CEP192: variants seen among roughly 807,000 people sequenced by gnomAD.
The protein encoded by CEP192 is centrosomal protein of 192 kDa.
Under a neutral mutation model 271.8 loss-of-function variants are expected in CEP192, and 151 were observed. That is an observed-to-expected ratio of 0.56 (90% CI 0.49 to 0.64). The LOEUF is 0.64. Among genes scored for constraint, CEP192 ranks in the 30% least tolerant of loss-of-function variants. CEP192 has a pLI of 0.00. For missense variants in CEP192, 2,910 were observed against 3,020.5 expected (o/e 0.96, Z 0.86); for synonymous variants, 995 against 1,076.5 (o/e 0.92, Z 1.48).
intron 44 of CEP192, among the ~76,000 whole-genome samples, chr18:13,120,351 T>C (rs2040606305): frequency 6.6e-6 from 1 of 152,218 alleles, no homozygotes; most frequent in South Asian, 2.1e-4. Flanking sequence ...TTTTGAGATA[T>C]GAAATGTGTT....
intron 11 of CEP192, among the ~76,000 whole-genome samples, 156 bp downstream of exon 11, chr18:13,030,764 G>C (rs1158980436): frequency 1.3e-5 from 2 of 152,162 alleles, no homozygotes; most frequent in Non-Finnish European, 2.9e-5. Flanking sequence ...CAAGGTTTTA[G>C]TTAGCCAGTC....
Position 13,019,180 on chromosome 18 carries a change from A to G in CEP192, c.1024A>G (p.Lys342Glu), listed in dbSNP as rs1228762711. 2 of 1,544,344 alleles carry G rather than the reference A, an allele frequency of 1.3e-6. No individual in the cohort carries two copies. The highest frequency in any genetic ancestry group is 1.7e-6 in the Non-Finnish European group (2 of 1,144,346). ...AACTGAGAAAGAAATAGAAAATTTG[A>G]AGGGTATTGTTCCAGATCTTAACAG... ...WGTEKEIENL[K>E]GIVPDLNSEC... The change falls in exon 9 of 45, where the codon AAG becomes GAG. Residue 342 changes from lysine to glutamate, a missense_variant. Coordinates refer to ENST00000506447, the MANE Select transcript of CEP192 (RefSeq NM_032142.4).
intron 34 of CEP192, 102 bp downstream of exon 34, chr18:13,092,629 C>A (rs1425390399): frequency 1.2e-6 from 1 of 866,256 alleles, no homozygotes; most frequent in East Asian, 2.8e-5. Flanking sequence ...ATTATTTTGT[C>A]TCAAAATTTT....
chr18:13,100,573 A>C, intron 38 of CEP192, 61 bp downstream of exon 38: 1 of 1,291,378 alleles, frequency 7.7e-7, no homozygotes, highest in Middle Eastern at 2.1e-4. Flanking sequence ...CTAATGCTTT[A>C]TTCTTAGCCA....
rs974389664 is a variant in CEP192, at chr18:13,069,126, A to G, written c.5000A>G (p.Lys1667Arg). ...HFLAKVASSR[K>R]QHLPLKNAGN... Reference sequence around the variant, plus strand: ...TTGGCCAAAGTGGCTTCCTCAAGAAAGCAGCACTTACCTTTGAAAAATGCT... The same window carrying G: ...TTGGCCAAAGTGGCTTCCTCAAGAAGGCAGCACTTACCTTTGAAAAATGCT... Residue 1667 changes from lysine to arginine, a missense_variant, in exon 26 of 45, where the codon AAG becomes AGG. Coordinates refer to ENST00000506447, the MANE Select transcript of CEP192 (RefSeq NM_032142.4). 3 of 1,614,098 alleles carry G rather than the reference A, an allele frequency of 1.9e-6. No homozygotes were observed. The African/African-American group carries it at 4.0e-5, about 22-fold the overall frequency.
chr18:13,057,761 C>T, intron 20 of CEP192, 28 bp downstream of exon 20: 1 of 1,606,032 alleles, frequency 6.2e-7, no homozygotes, highest in Non-Finnish European at 8.5e-7. Flanking sequence ...TCTCATTTAA[C>T]CTAACAGTTG....
At chr18:13,053,901 A>G (rs1421820581) in intron 18 of CEP192, among the ~76,000 whole-genome samples, 1 of 152,118 alleles carries the variant, frequency 6.6e-6, no homozygotes. Flanking sequence ...CATGTTGCTC[A>G]GGCTGGTCTT....
At chr18:13,083,235 T>A (rs1455156914) in intron 30 of CEP192, among the ~76,000 whole-genome samples, 3 of 152,242 alleles carry the variant, frequency 2.0e-5, no homozygotes, top group African/African-American at 7.2e-5. Context: ...GGTTCCATTC[T>A]TCCTGTCACT....
rs777492147 is a variant in CEP192 at position 13,049,641 on chromosome 18, G to A, written c.2850G>A (p.Val950=). 5.0e-6 allele frequency: 8 copies of A among 1,612,760 alleles called. No individual in the cohort carries two copies. In the East Asian group the frequency reaches 1.8e-4, roughly 36 times the overall value. Reference sequence around the variant, plus strand: ...AAATAAGCAACAGTGAGAAGCATGTGACTTTTGAAAACCATCGCATAGTCT... The same window carrying A: ...AAATAAGCAACAGTGAGAAGCATGTAACTTTTGAAAACCATCGCATAGTCT... ...VSEISNSEKH[V]TFENHRIVSP... The change falls in exon 16 of 45, where the codon GTG becomes GTA. Residue 950 remains valine (V), a synonymous_variant. Transcript: ENST00000506447.
intron 6 of CEP192, 84 bp downstream of exon 6, chr18:13,015,532 A>C: frequency 1.4e-6 from 2 of 1,434,314 alleles, no homozygotes; most frequent in Non-Finnish European, 1.9e-6. Context: ...TATGATGCCA[A>C]CTTTTTGGGT....
intron 1 of CEP192, among the ~76,000 whole-genome samples, chr18:12,996,218 T>G (rs1276027145): frequency 3.1e-4 from 34 of 109,118 alleles, no homozygotes; most frequent in African/African-American, 4.5e-4. Flanking sequence ...GGTTGGGGGG[T>G]AGGTTGGGGG....
intron 32 of CEP192, chr18:13,088,685 C>T (rs1027982282): frequency 1.1e-4 from 25 of 229,616 alleles, no homozygotes; most frequent in African/African-American, 5.2e-4. Flanking sequence ...TCCTTCTGAC[C>T]CTTTGTGCTT....
rs186458901 is a variant in CEP192, at chr18:13,018,675, A to T, written c.925+60A>T. The stretch of plus-strand genomic sequence containing the variant: ...TTCTAGTTTTGACTTTACTTTTTTT[A>T]AAAAAAAAATATTTCTCTGGTATGA... On this transcript the variant is annotated intron_variant, in intron 8 of 44. Transcript: ENST00000506447. The T allele has an allele frequency of 6.3e-3, 5,594 of 886,364 alleles. 53 individuals carry two copies. Among genetic ancestry groups the T allele is most frequent in the African/African-American group, 0.035 (2,006 of 57,094 alleles). The allele number at this position is 886,364 out of a possible 1,614,324, so 54.9% of individuals were successfully genotyped here.
intron 36 of CEP192, among the ~76,000 whole-genome samples, chr18:13,097,970 T>C (rs540900310): frequency 1.6e-4 from 25 of 152,284 alleles, no homozygotes; most frequent in Admixed American, 1.0e-3. Flanking sequence ...GGTAAGGTCA[T>C]AGATCAACAG....
intron 21 of CEP192, among the ~76,000 whole-genome samples, chr18:13,060,264 G>A (rs1248485601): frequency 6.6e-6 from 1 of 152,144 alleles, no homozygotes; most frequent in Non-Finnish European, 1.5e-5. Context: ...TAATACTGTA[G>A]GGCAGTTGTA....
In CEP192 at chr18:13,072,747, G is replaced by T. The variant is rs938793180; in HGVS notation, c.5349-8G>T. The T allele has an allele frequency of 6.4e-7, 1 of 1,569,554 alleles. No individual in the cohort carries two copies. Among genetic ancestry groups the T allele is most frequent in the African/African-American group, 1.4e-5 (1 of 73,924 alleles). On this transcript the variant is annotated splice_polypyrimidine_tract_variant and splice_region_variant and intron_variant, in intron 28 of 44. Transcript: ENST00000506447. ...AAAACCATATTTAAAATGTCTAATT[G>T]TTTTTAGGCTTCAGAAACTAGCTTT...
intron 1 of CEP192, 71 bp from the exon 2 acceptor site, chr18:12,999,350 A>G: frequency 1.7e-6 from 2 of 1,199,346 alleles, no homozygotes; most frequent in Middle Eastern, 2.2e-4. Flanking sequence ...GTTTTCTAAG[A>G]CAATGCTTTT....
intron 19 of CEP192, 24 bp downstream of exon 19, chr18:13,056,722 T>C: frequency 6.6e-7 from 1 of 1,506,804 alleles, no homozygotes; most frequent in Middle Eastern, 1.8e-4. Flanking sequence ...TCTCTATTAT[T>C]ATTACTTGCT....
In CEP192 at chr18:13,099,725, A is replaced by T; in HGVS notation, c.6663+144A>T. The T allele has an allele frequency of 9.0e-6, 5 of 556,312 alleles. No homozygotes were observed. In the South Asian group the frequency reaches 1.1e-4, roughly 12 times the overall value. 34.5% of individuals were successfully genotyped at this position (556,312 alleles called of 1,614,324 possible). ...ATATTTGTGGGTTCCACTTCCAGGG[A>T]TTCAACCAACCACAGATTGAAATTA... On this transcript the variant is annotated intron_variant, in intron 37 of 44. Coordinates refer to ENST00000506447, the MANE Select transcript of CEP192 (RefSeq NM_032142.4).
Sources: allele counts gnomAD v4.1 joint callset (sites outside exome capture counted in the v4.1 genomes callset), GRCh38; gene constraint gnomAD v4.1.1; transcripts MANE v1.5; gene names NCBI Gene and HGNC (gene_info 2026-07-23, HGNC 2026-07-21).